Variants in HSDL2 observed in about 807,000 individuals in gnomAD.
HSDL2 encodes hydroxysteroid dehydrogenase-like protein 2.
In HSDL2, 27 loss-of-function variants were observed where a neutral mutation model predicts 46.3. The observed-to-expected ratio is 0.58, with a 90% confidence interval of 0.43 to 0.80. The LOEUF (loss-of-function observed/expected upper bound fraction) is 0.80. Among genes scored for constraint, HSDL2 ranks in the 30% least tolerant of loss-of-function variants. The probability of loss-of-function intolerance (pLI) is 0.00; values close to 1 mark genes in which losing one functional copy is unlikely to be tolerated. For synonymous variants in HSDL2, 153 were observed against 163.6 expected, an observed-to-expected ratio of 0.94 and a Z score of 0.50; for missense variants, 451 against 502.7, an observed-to-expected ratio of 0.90 and a Z score of 0.98.
At chr9:112,396,484 G>A (rs796328431) in intron 1 of HSDL2, among the ~76,000 whole-genome samples, 1 of 152,148 alleles carries the variant, frequency 6.6e-6, no homozygotes, top group African/African-American at 2.4e-5. Context: ...CCAGGGCCCC[G>A]TGTCTTATCT....
At chr9:112,429,465 G>C (rs1832334686) in intron 6 of HSDL2, among the ~76,000 whole-genome samples, 1 of 152,070 alleles carries the variant, frequency 6.6e-6, no homozygotes, top group Non-Finnish European at 1.5e-5. Context: ...TAACCTGTAG[G>C]TCTTTGGGAT....
chr9:112,470,513 A>G lies in HSDL2; in HGVS notation c.1226A>G (p.Lys409Arg), dbSNP rs745644653. 12 of 1,609,592 alleles carry G rather than the reference A, an allele frequency of 7.5e-6. No individual in the cohort carries two copies. The East Asian group carries it at 2.7e-4, about 36-fold the overall frequency. ...GNMALAIKLE[K>R]LMNQMNARL ...ATGGCCCTAGCAATCAAATTGGAGAAGCTAATGAATCAGATGAATGCCAGA... is the reference window on the plus strand; with the variant it reads ...ATGGCCCTAGCAATCAAATTGGAGAGGCTAATGAATCAGATGAATGCCAGA... The change falls in exon 11 of 11, where the codon AAG becomes AGG. Residue 409 changes from lysine to arginine, a missense_variant. Coordinates refer to ENST00000398805, the MANE Select transcript of HSDL2 (RefSeq NM_032303.5).
intron 1 of HSDL2, among the ~76,000 whole-genome samples, chr9:112,391,296 T>TC (rs113918208): frequency 6.0e-5 from 9 of 149,328 alleles, no homozygotes; most frequent in East Asian, 4.0e-4. Context: ...CAAGACCCTG[T>TC]CCCCCCCCAA....
intron 1 of HSDL2, among the ~76,000 whole-genome samples, chr9:112,382,366 C>T (rs1444160749): frequency 2.6e-5 from 4 of 152,224 alleles, no homozygotes; most frequent in Non-Finnish European, 5.9e-5. Flanking sequence ...ATCCTCTAAT[C>T]CCACTTGTTG....
At chr9:112,391,424 T>G (rs1032285555) in intron 1 of HSDL2, among the ~76,000 whole-genome samples, 1 of 152,010 alleles carries the variant, frequency 6.6e-6, no homozygotes, top group Non-Finnish European at 1.5e-5. Flanking sequence ...TGAGTTGTGA[T>G]TCAGACACTG....
At chr9:112,442,738 C>G (rs996012096) in intron 8 of HSDL2, among the ~76,000 whole-genome samples, 4 of 151,920 alleles carry the variant, frequency 2.6e-5, no homozygotes, top group African/African-American at 7.3e-5. Flanking sequence ...TGCTATGACT[C>G]TCATCGATTT....
intron 1 of HSDL2, among the ~76,000 whole-genome samples, chr9:112,381,147 T>C (rs192204753): frequency 6.9e-6 from 1 of 145,724 alleles, no homozygotes; most frequent in African/African-American, 2.6e-5. Context: ...CAGCAGACTC[T>C]ATTCTTGGTC....
At chr9:112,399,771 C>T (rs1270175752) in intron 1 of HSDL2, among the ~76,000 whole-genome samples, 2 of 152,178 alleles carry the variant, frequency 1.3e-5, no homozygotes, top group East Asian at 1.9e-4. Context: ...TGCCCGATGC[C>T]GCAGGCAGTC....
At chr9:112,469,447 T>G (rs1196767527) in intron 10 of HSDL2, among the ~76,000 whole-genome samples, 2 of 151,646 alleles carry the variant, frequency 1.3e-5, no homozygotes, top group African/African-American at 4.8e-5. Flanking sequence ...ATCTCAGCAC[T>G]CTGGGAGGCA....
At chr9:112,408,387 CT>C (rs1389501657) in intron 3 of HSDL2, among the ~76,000 whole-genome samples, 3 of 152,086 alleles carry the variant, frequency 2.0e-5, no homozygotes, top group Non-Finnish European at 2.9e-5. Flanking sequence ...CTCCACTGTG[CT>C]AGTGACAATC....
chr9:112,412,251 A>G (rs771871948), intron 4 of HSDL2, among the ~76,000 whole-genome samples: 10 of 151,800 alleles, frequency 6.6e-5, no homozygotes, highest in Non-Finnish European at 2.9e-5. Flanking sequence ...ACCTAGGTAT[A>G]TGGCGTCAGG....
Position 112,454,313 on chromosome 9 carries a change from A to G in HSDL2, c.1015+151A>G, listed in dbSNP as rs7036010. On this transcript the variant is annotated intron_variant, in intron 9 of 10. Coordinates refer to ENST00000398805, the MANE Select transcript of HSDL2 (RefSeq NM_032303.5). ...ATGTAGACATTCAAGAACAGCAACC[A>G]TAACTATTGATTTGTTTTTGTTGTT... is the stretch of plus-strand genomic sequence containing the variant. The G allele has an allele frequency of 1.4e-3, 801 of 592,970 alleles. 6 individuals carry two copies. In the African/African-American group the frequency reaches 0.014, roughly 10 times the overall value. 36.7% of individuals were successfully genotyped at this position (592,970 alleles called of 1,614,324 possible). A position where few individuals can be genotyped will look rare whatever the true frequency, so the allele number is the denominator to read the frequency against.
chr9:112,457,893 C>G (rs1833078595), intron 9 of HSDL2, among the ~76,000 whole-genome samples: 1 of 152,212 alleles, frequency 6.6e-6, no homozygotes. Flanking sequence ...TATCCCAACA[C>G]CATCCTTACT....
chr9:112,465,006 C>T (rs985721635), intron 10 of HSDL2, among the ~76,000 whole-genome samples: 7 of 152,198 alleles, frequency 4.6e-5, no homozygotes, highest in Non-Finnish European at 1.0e-4. Flanking sequence ...AATATGTGAT[C>T]TTTTGTGACT....
In HSDL2 at chr9:112,470,701, A is replaced by C. The variant is rs1382081924; in HGVS notation, c.*157A>C. 1.2e-5 allele frequency: 6 copies of C among 511,322 alleles called. No homozygotes were observed. Among genetic ancestry groups the C allele is most frequent in the Non-Finnish European group, 2.1e-5 (6 of 290,504 alleles). The allele number at this position is 511,322 out of a possible 1,614,324, so 31.7% of individuals were successfully genotyped here. A position where few individuals can be genotyped will look rare whatever the true frequency, so the allele number is the denominator to read the frequency against. On this transcript the variant is annotated 3_prime_UTR_variant, in exon 11 of 11. Coordinates refer to ENST00000398805, the MANE Select transcript of HSDL2 (RefSeq NM_032303.5). ...TTGTCTCTAAAAGACTTGAAATTGT[A>C]ATTAAAATGGCAAGCTAATCAAACA... is the stretch of plus-strand genomic sequence containing the variant.
intron 1 of HSDL2, among the ~76,000 whole-genome samples, chr9:112,402,417 G>T (rs188094094): frequency 6.6e-5 from 10 of 152,116 alleles, no homozygotes; most frequent in African/African-American, 2.4e-4. Flanking sequence ...AAGTAACTGG[G>T]TATGGTGGTG....
chr9:112,419,014 T>A (rs1168864541), intron 6 of HSDL2, 56 bp downstream of exon 6: 2 of 931,092 alleles, frequency 2.1e-6, no homozygotes, highest in Non-Finnish European at 3.4e-6. Context: ...CCTTGACACT[T>A]ATTATTATTT....
chr9:112,432,762 T>C (rs1408922525), intron 6 of HSDL2, among the ~76,000 whole-genome samples: 1 of 152,144 alleles, frequency 6.6e-6, no homozygotes, highest in Non-Finnish European at 1.5e-5. Flanking sequence ...AATTATGTAC[T>C]GGATGTTGTG....
At chr9:112,465,424 C>T (rs1417007186) in intron 10 of HSDL2, among the ~76,000 whole-genome samples, 4 of 152,126 alleles carry the variant, frequency 2.6e-5, no homozygotes, top group Admixed American at 6.5e-5. Context: ...CCACCAGGCC[C>T]GGCCGCAATT....
Sources: allele counts gnomAD v4.1 joint callset (sites outside exome capture counted in the v4.1 genomes callset), GRCh38; gene constraint gnomAD v4.1.1; transcripts MANE v1.5; gene names NCBI Gene and HGNC (gene_info 2026-07-23, HGNC 2026-07-21).